KCTD16: variants seen among roughly 807,000 people sequenced by gnomAD.
KCTD16 encodes the protein potassium channel tetramerization domain containing 16, also known as BTB/POZ domain-containing protein KCTD16.
Under a neutral mutation model 33.2 loss-of-function variants are expected in KCTD16, and 13 were observed. That is an observed-to-expected ratio of 0.39 (90% CI 0.25 to 0.62). The LOEUF (loss-of-function observed/expected upper bound fraction) is 0.62, where lower values mean the gene tolerates loss of function less well. Among genes scored for constraint, KCTD16 ranks in the 20% least tolerant of loss-of-function variants. The pLI, the probability that KCTD16 is intolerant of heterozygous loss-of-function variation, is 0.50. For synonymous variants in KCTD16, 197 were observed against 195.3 expected, an observed-to-expected ratio of 1.01 and a Z score of -0.07; for missense variants, 441 against 525.1, an observed-to-expected ratio of 0.84 and a Z score of 1.57.
intron 3 of KCTD16, among the ~76,000 whole-genome samples, chr5:144,275,760 A>G (rs1453164358): frequency 6.6e-6 from 1 of 152,210 alleles, no homozygotes; most frequent in Non-Finnish European, 1.5e-5. Context: ...TTAAATAATG[A>G]GATGAGGATC....
chr5:144,332,522 C>G (rs895244707), intron 3 of KCTD16, among the ~76,000 whole-genome samples: 1 of 152,142 alleles, frequency 6.6e-6, no homozygotes, highest in African/African-American at 2.4e-5. Context: ...ACATGCCCAA[C>G]AGAGGGCAAT....
chr5:144,224,000 C>T (rs540258004), intron 3 of KCTD16, among the ~76,000 whole-genome samples: 7 of 150,802 alleles, frequency 4.6e-5, no homozygotes, highest in African/African-American at 1.7e-4. Context: ...GAATTTCCCT[C>T]TCTTGAAAAC....
chr5:144,337,415 G>A (rs1006181235), intron 3 of KCTD16, among the ~76,000 whole-genome samples: 1 of 151,994 alleles, frequency 6.6e-6, no homozygotes, highest in Non-Finnish European at 1.5e-5. Context: ...AATGCATGTT[G>A]TTTGTTCTAC....
rs1325741811 is a variant in KCTD16, at chr5:144,475,710, A to G, written c.*1596A>G. ...ATGTGTATCACAGGTAATAAAGGCA[A>G]TTGGATGATATCTGTAGGAGGAAAA... On this transcript the variant is annotated 3_prime_UTR_variant, in exon 4 of 4. Transcript: ENST00000512467. 1 of 152,654 alleles carries G rather than the reference A, an allele frequency of 6.6e-6. No homozygotes were observed. Among genetic ancestry groups the G allele is most frequent in the Non-Finnish European group, 1.5e-5 (1 of 68,042 alleles). The allele number at this position is 152,654 out of a possible 1,614,324, so 9.5% of individuals were successfully genotyped here.
chr5:144,303,900 G>A (rs911994894), intron 3 of KCTD16, among the ~76,000 whole-genome samples: 3 of 152,172 alleles, frequency 2.0e-5, no homozygotes, highest in African/African-American at 7.2e-5. Flanking sequence ...TGTGGTCATT[G>A]GAGAGTGCAT....
At chr5:144,385,798 T>A (rs576145779) in intron 3 of KCTD16, among the ~76,000 whole-genome samples, 1 of 152,266 alleles carries the variant, frequency 6.6e-6, no homozygotes, top group Non-Finnish European at 1.5e-5. Flanking sequence ...AGAGTATGTG[T>A]GTCTTGTGGG....
At chr5:144,395,576 C>T (rs979410107) in intron 3 of KCTD16, among the ~76,000 whole-genome samples, 1 of 152,218 alleles carries the variant, frequency 6.6e-6, no homozygotes, top group Non-Finnish European at 1.5e-5. Flanking sequence ...CTCTATTCTT[C>T]CTTACTCACA....
At chr5:144,299,586 G>T (rs1751367343) in intron 3 of KCTD16, among the ~76,000 whole-genome samples, 1 of 151,946 alleles carries the variant, frequency 6.6e-6, no homozygotes, top group Admixed American at 6.6e-5. Context: ...ACAAAAATTT[G>T]GTGTGCTAAG....
At chr5:144,201,399 CTGGAAAGAGTAATGATTT>C (rs1753042591) in intron 2 of KCTD16, among the ~76,000 whole-genome samples, 1 of 152,112 alleles carries the variant, frequency 6.6e-6, no homozygotes, top group African/African-American at 2.4e-5. Flanking sequence ...AATTTTCATA[CTGGAAAGAGTAATGATTT>C]TGGATGTAGA....
intron 3 of KCTD16, among the ~76,000 whole-genome samples, chr5:144,434,741 G>A (rs979890407): frequency 7.9e-5 from 12 of 152,176 alleles, no homozygotes; most frequent in Non-Finnish European, 1.5e-4. Flanking sequence ...TCATAATACA[G>A]CTGGATCATA....
At chr5:144,260,667 GA>G (rs1754980458) in intron 3 of KCTD16, among the ~76,000 whole-genome samples, 1 of 152,166 alleles carries the variant, frequency 6.6e-6, no homozygotes, top group Admixed American at 6.5e-5. Context: ...TATAATGTGA[GA>G]TTTATGGTCA....
chr5:144,364,585 A>T (rs17101840), intron 3 of KCTD16, among the ~76,000 whole-genome samples: 1 of 152,354 alleles, frequency 6.6e-6, no homozygotes, highest in African/African-American at 2.4e-5. Flanking sequence ...GTGCTCTGTA[A>T]CATACATAAT....
intron 3 of KCTD16, among the ~76,000 whole-genome samples, chr5:144,343,785 G>GTTC (rs1752709749): frequency 6.6e-6 from 1 of 152,120 alleles, no homozygotes; most frequent in Non-Finnish European, 1.5e-5. Flanking sequence ...TTGTGTCTTT[G>GTTC]TTCTCATTGG....
At chr5:144,238,953 T>C (rs1159041129) in intron 3 of KCTD16, among the ~76,000 whole-genome samples, 2 of 152,152 alleles carry the variant, frequency 1.3e-5, no homozygotes, top group Non-Finnish European at 2.9e-5. Context: ...TTATAATCCT[T>C]TGTGATAAGC....
At chr5:144,236,981 A>G (rs781611370) in intron 3 of KCTD16, among the ~76,000 whole-genome samples, 11 of 152,100 alleles carry the variant, frequency 7.2e-5, no homozygotes, top group African/African-American at 1.2e-4. Flanking sequence ...AAAATGCCCC[A>G]TGACTAATGT....
intron 3 of KCTD16, among the ~76,000 whole-genome samples, chr5:144,260,734 C>CTA (rs1303878912): frequency 6.5e-5 from 9 of 137,938 alleles, no homozygotes; most frequent in Non-Finnish European, 1.2e-4. Flanking sequence ...AGATGGTTGC[C>CTA]TGTTTTTTTT....
chr5:144,301,016 G>A (rs1751424054), intron 3 of KCTD16, among the ~76,000 whole-genome samples: 1 of 152,088 alleles, frequency 6.6e-6, no homozygotes, highest in Non-Finnish European at 1.5e-5. Flanking sequence ...CCTGAGACAG[G>A]AGGATCATAA....
chr5:144,382,375 C>T (rs73303970), intron 3 of KCTD16, among the ~76,000 whole-genome samples: 6,871 of 152,052 alleles, frequency 0.045, 300 homozygotes, highest in African/African-American at 0.11. Flanking sequence ...CACCCCTGAA[C>T]CTAAAATAAA....
intron 3 of KCTD16, among the ~76,000 whole-genome samples, chr5:144,431,829 T>C (rs1230671935): frequency 6.6e-6 from 1 of 152,160 alleles, no homozygotes; most frequent in Non-Finnish European, 1.5e-5. Flanking sequence ...ACGTTAGTGA[T>C]TCATGGAAAA....
Sources: gnomAD v4.1 joint callset for allele counts (sites outside exome capture counted in the v4.1 genomes callset) on GRCh38, gnomAD v4.1.1 for gene constraint, MANE v1.5 for transcripts, NCBI Gene and HGNC (gene_info 2026-07-23, HGNC 2026-07-21) for gene names.